Variants in NIPBL observed in about 807,000 individuals in gnomAD.
NIPBL encodes nipped-B-like protein.
Under a neutral mutation model 321.8 loss-of-function variants are expected in NIPBL, and 19 were observed. That is an observed-to-expected ratio of 0.06 (90% CI 0.04 to 0.09). The LOEUF is 0.09. NIPBL is among the 10% of genes least tolerant of loss of function. The probability of loss-of-function intolerance (pLI) is 1.00; values close to 1 mark genes in which losing one functional copy is unlikely to be tolerated. For missense variants in NIPBL, 2,210 were observed against 3,327.0 expected (o/e 0.66, Z 8.26); for synonymous variants, 1,106 against 1,114.1 (o/e 0.99, Z 0.14).
At chr5:36,988,306 G>T (rs1010874216) in intron 10 of NIPBL, among the ~76,000 whole-genome samples, 2 of 151,854 alleles carry the variant, frequency 1.3e-5, no homozygotes, top group African/African-American at 4.8e-5. Context: ...AAGCTATCTG[G>T]GTGTCTGCCT....
chr5:36,885,499 G>A (rs1745825304), intron 1 of NIPBL: 2 of 502,980 alleles, frequency 4.0e-6, no homozygotes, highest in South Asian at 1.5e-5. Context: ...ACAGAGTGAG[G>A]AGCCTAGAGA....
intron 32 of NIPBL, among the ~76,000 whole-genome samples, chr5:37,032,570 G>C (rs1266608828): frequency 6.6e-6 from 1 of 151,994 alleles, no homozygotes; most frequent in African/African-American, 2.4e-5. Context: ...TGGAGTTTTA[G>C]ACCAACCTGG....
chr5:36,974,533 G>C lies in NIPBL; in HGVS notation c.869-1243G>C, dbSNP rs1207128227. On this transcript the variant is annotated intron_variant, in intron 8 of 46. Transcript: ENST00000282516. ...ATTTCTTAACCTCTGTAGGCTTCAT[G>C]TTCCATTTCTGAAAAATTTTAAAGA... 2.0e-5 allele frequency among the ~76,000 whole-genome samples: 3 copies of C among 152,054 alleles called. No homozygotes were observed. In the East Asian group the frequency reaches 5.8e-4, roughly 29 times the overall value.
chr5:36,990,348 A>T (rs1212270573), intron 10 of NIPBL, among the ~76,000 whole-genome samples: 2 of 152,200 alleles, frequency 1.3e-5, no homozygotes, highest in Non-Finnish European at 2.9e-5. Flanking sequence ...CAGTCTAGTT[A>T]GATGGTGTTT....
Position 37,000,414 on chromosome 5 carries a change from G to A in NIPBL, c.3346G>A (p.Glu1116Lys), listed in dbSNP as rs1470957554. ...RHKKDDDKAW[E>K]YEERDRRSSG... ...TAAAAAAGATGATGATAAAGCTTGG[G>A]AATATGAAGAGCGTGACAGAAGAAG... The change falls in exon 12 of 47, where the codon GAA becomes AAA. Residue 1116 changes from glutamate to lysine, a missense_variant. Physicochemically the swap from Glu to Lys is moderately conservative, Grantham distance 56. This residue lies in a region of NIPBL where 381 missense variants were observed against 642.3 expected (regional missense o/e 0.59). Transcript: ENST00000282516. 1 of 1,613,250 alleles carries A rather than the reference G, an allele frequency of 6.2e-7. No homozygotes were observed. Among genetic ancestry groups the A allele is most frequent in the Admixed American group, 1.7e-5 (1 of 59,896 alleles).
chr5:36,901,559 G>C (rs1747225220), intron 1 of NIPBL, among the ~76,000 whole-genome samples: 1 of 135,962 alleles, frequency 7.4e-6, no homozygotes, highest in Non-Finnish European at 1.5e-5. Context: ...GCCCAAGCTG[G>C]AGTGCAATGG....
At position 36,913,579 on chromosome 5, in the gene NIPBL, A is replaced by G. The variant is rs563329028; in HGVS notation, c.-80+36401A>G. On this transcript the variant is annotated intron_variant, in intron 1 of 46. Transcript: ENST00000282516. Reference sequence around the variant, plus strand: ...TAATTTTTCTGTAGAGAAACTCCCAATTTTTCTGGTCTTGAACTCCTGGGC... The same window carrying G: ...TAATTTTTCTGTAGAGAAACTCCCAGTTTTTCTGGTCTTGAACTCCTGGGC... 2.2e-4 allele frequency among the ~76,000 whole-genome samples: 34 copies of G among 151,230 alleles called. No homozygotes were observed. In the South Asian group the frequency reaches 4.0e-3, roughly 18 times the overall value.
intron 6 of NIPBL, among the ~76,000 whole-genome samples, chr5:36,965,354 A>G (rs903149433): frequency 1.3e-5 from 2 of 152,138 alleles, no homozygotes; most frequent in African/African-American, 4.8e-5. Flanking sequence ...AAAAAGAATA[A>G]AGTCCTGTCA....
chr5:36,962,176 A>G lies in NIPBL; in HGVS notation c.512A>G (p.Asn171Ser), dbSNP rs1235066215. 2.5e-6 allele frequency: 4 copies of G among 1,614,120 alleles called. No individual in the cohort carries two copies. Among genetic ancestry groups the G allele is most frequent in the Non-Finnish European group, 2.5e-6 (3 of 1,179,994 alleles). Residue 171 changes from asparagine to serine, a missense_variant, in exon 6 of 47, where the codon AAT becomes AGT. Physicochemically the swap from Asn to Ser is conservative, Grantham distance 46. Transcript: ENST00000282516. ...SSGNRFMPQQNSPVPSPYAPQ... is the reference protein window; with the variant it reads ...SSGNRFMPQQSSPVPSPYAPQ... ...GGGAACAGATTTATGCCACAGCAAA[A>G]TAGCCCAGTGCCTAGTCCATACGCC...
At chr5:36,918,246 T>A (rs916492116) in intron 1 of NIPBL, among the ~76,000 whole-genome samples, 27 of 152,154 alleles carry the variant, frequency 1.8e-4, no homozygotes, top group Non-Finnish European at 3.7e-4. Context: ...TCACATCCCT[T>A]TTAAGTTGGA....
chr5:36,938,713 A>G (rs955145728), intron 1 of NIPBL, among the ~76,000 whole-genome samples: 9 of 152,272 alleles, frequency 5.9e-5, no homozygotes, highest in South Asian at 2.1e-4. Flanking sequence ...ATGTAAATCC[A>G]TAGGAAGTTG....
At chr5:37,027,819 A>G (rs1033123398) in intron 32 of NIPBL, among the ~76,000 whole-genome samples, 2 of 151,580 alleles carry the variant, frequency 1.3e-5, no homozygotes, top group Non-Finnish European at 2.9e-5. Flanking sequence ...GGGTTTTACT[A>G]TGTTGGCCAG....
chr5:36,956,966 T>G (rs549119864), intron 3 of NIPBL, among the ~76,000 whole-genome samples: 3 of 152,060 alleles, frequency 2.0e-5, no homozygotes, highest in South Asian at 4.2e-4. Flanking sequence ...ATTCAGTAGT[T>G]TTCACCAAAT....
rs1057009391 is a variant in NIPBL, at chr5:36,976,829, T to C, written c.1495+427T>C. On this transcript the variant is annotated intron_variant, in intron 9 of 46. Transcript: ENST00000282516. ...CTTAAGAAAAGCTCATGTGTATGCT[T>C]ATTAGGCAGTTAGATATTTCACTTG... Among the ~76,000 whole-genome samples the C allele has an allele frequency of 5.3e-5, 8 of 152,160 alleles. 1 individual carries two copies. Among genetic ancestry groups the C allele is most frequent in the African/African-American group, 1.9e-4 (8 of 41,460 alleles).
At chr5:36,909,193 T>C (rs1561374084) in intron 1 of NIPBL, among the ~76,000 whole-genome samples, 1 of 152,200 alleles carries the variant, frequency 6.6e-6, no homozygotes, top group Non-Finnish European at 1.5e-5. Context: ...AGAAACACCC[T>C]CACAGTTTTC....
intron 1 of NIPBL, among the ~76,000 whole-genome samples, chr5:36,897,369 TA>T (rs1166210607): frequency 6.6e-6 from 1 of 152,208 alleles, no homozygotes; most frequent in Admixed American, 6.5e-5. Context: ...AGTTGATTTT[TA>T]TATATTGATC....
chr5:37,019,489 A>G, intron 25 of NIPBL, 89 bp downstream of exon 25: 1 of 889,204 alleles, frequency 1.1e-6, no homozygotes, highest in East Asian at 2.5e-5. Context: ...TGAAGAGGAA[A>G]ACTTAAGTTG....
At chr5:37,039,838 C>T (rs1210976520) in intron 34 of NIPBL, among the ~76,000 whole-genome samples, 1 of 152,026 alleles carries the variant, frequency 6.6e-6, no homozygotes, top group African/African-American at 2.4e-5. Flanking sequence ...CTAAAAACAA[C>T]ATGCATTTAC....
chr5:37,048,736 C>G, intron 39 of NIPBL, 61 bp downstream of exon 39: 1 of 1,288,906 alleles, frequency 7.8e-7, no homozygotes, highest in Non-Finnish European at 1.1e-6. Context: ...GCTTTATCTT[C>G]TTTAATCTAA....
Sources: allele counts gnomAD v4.1 joint callset (sites outside exome capture counted in the v4.1 genomes callset), GRCh38; gene constraint gnomAD v4.1.1; regional missense constraint gnomAD v4.1.1; transcripts MANE v1.5; gene names NCBI Gene and HGNC (gene_info 2026-07-23, HGNC 2026-07-21).